Variants in LRFN2 observed in about 807,000 individuals in gnomAD.
LRFN2 encodes leucine-rich repeat and fibronectin type-III domain-containing protein 2.
In LRFN2, 18 loss-of-function variants were observed where a neutral mutation model predicts 37.3. That is an observed-to-expected ratio of 0.48 (90% confidence interval 0.33 to 0.72). The LOEUF is 0.72. Ranked by LOEUF, LRFN2 falls within the 30% of genes least tolerant of loss-of-function variation. LRFN2 has a pLI of 0.02. For missense variants in LRFN2, 1,006 were observed against 1,060.7 expected, an observed-to-expected ratio of 0.95 and a Z score of 0.72; for synonymous variants, 556 against 466.6, an observed-to-expected ratio of 1.19 and a Z score of -2.47.
intron 1 of LRFN2, among the ~76,000 whole-genome samples, chr6:40,504,904 T>G (rs776257648): frequency 2.6e-5 from 4 of 152,234 alleles, no homozygotes; most frequent in Non-Finnish European, 4.4e-5. Context: ...TCACTCTACC[T>G]GAGACTAAAG....
At position 40,516,998 on chromosome 6, in the gene LRFN2, T is replaced by A. The variant is rs1266568873; in HGVS notation, c.-19+69943A>T. Among the ~76,000 whole-genome samples the A allele has an allele frequency of 3.3e-5, 5 of 152,160 alleles. No homozygotes were observed. The East Asian group carries it at 7.7e-4, about 23-fold the overall frequency. ...TAGGTGCTTGGGATATACTGCTGAA[T>A]GAAGCAGAAACAGTCCCTGCCTGCA... On this transcript the variant is annotated intron_variant, in intron 1 of 2. Coordinates refer to ENST00000338305, the MANE Select transcript of LRFN2 (RefSeq NM_020737.3).
chr6:40,476,507 A>T (rs1015935412), intron 1 of LRFN2, among the ~76,000 whole-genome samples: 1 of 152,228 alleles, frequency 6.6e-6, no homozygotes, highest in Admixed American at 6.5e-5. Context: ...GTACACGGGG[A>T]ACCCCATAGG....
intron 1 of LRFN2, among the ~76,000 whole-genome samples, chr6:40,556,550 G>A (rs780308412): frequency 6.6e-6 from 1 of 152,058 alleles, no homozygotes; most frequent in Non-Finnish European, 1.5e-5. Context: ...AGTCATTCTG[G>A]GGATGCTACA....
intron 1 of LRFN2, among the ~76,000 whole-genome samples, chr6:40,579,957 G>A (rs1026902485): frequency 6.6e-6 from 1 of 152,202 alleles, no homozygotes; most frequent in African/African-American, 2.4e-5. Context: ...CATCTTAAAG[G>A]AACAGGGCCT....
intron 1 of LRFN2, among the ~76,000 whole-genome samples, chr6:40,475,237 G>A (rs537503539): frequency 5.9e-5 from 9 of 152,298 alleles, no homozygotes; most frequent in South Asian, 2.1e-4. Context: ...TTGATGCAGC[G>A]GTTCTGCTTG....
intron 1 of LRFN2, among the ~76,000 whole-genome samples, chr6:40,511,200 T>C (rs916768702): frequency 1.3e-5 from 2 of 152,186 alleles, no homozygotes; most frequent in Non-Finnish European, 2.9e-5. Context: ...ATGGGTCACC[T>C]ACTGAGGAAC....
intron 1 of LRFN2, among the ~76,000 whole-genome samples, chr6:40,580,513 G>A (rs890680483): frequency 3.3e-5 from 5 of 152,212 alleles, no homozygotes; most frequent in African/African-American, 1.2e-4. Context: ...AGTGATAGGT[G>A]AATCTCTGGA....
intron 1 of LRFN2, among the ~76,000 whole-genome samples, chr6:40,527,963 A>G (rs1263488822): frequency 1.3e-5 from 2 of 152,214 alleles, no homozygotes; most frequent in African/African-American, 4.8e-5. Context: ...ACACAAACTC[A>G]TGTAATCCTA....
chr6:40,425,080 C>G (rs1251557552), intron 2 of LRFN2, among the ~76,000 whole-genome samples: 2 of 152,210 alleles, frequency 1.3e-5, no homozygotes, highest in Non-Finnish European at 2.9e-5. Context: ...ATGCAGCCCC[C>G]TGCCCCAGCC....
chr6:40,398,906 A>G (rs1477863959), intron 2 of LRFN2, among the ~76,000 whole-genome samples: 1 of 151,896 alleles, frequency 6.6e-6, no homozygotes, highest in Non-Finnish European at 1.5e-5. Context: ...TCACAGGCAC[A>G]TACTGTTATT....
intron 1 of LRFN2, among the ~76,000 whole-genome samples, chr6:40,541,828 C>G (rs1368596260): frequency 2.0e-5 from 3 of 152,218 alleles, no homozygotes; most frequent in Non-Finnish European, 4.4e-5. Context: ...TCTTCCAGCA[C>G]CCCCTCCCCA....
intron 1 of LRFN2, among the ~76,000 whole-genome samples, chr6:40,495,772 T>C (rs1216841945): frequency 6.6e-6 from 1 of 152,208 alleles, no homozygotes; most frequent in Admixed American, 6.5e-5. Flanking sequence ...GGCTTGATCC[T>C]TAACCCTCTT....
At chr6:40,472,204 C>T (rs919177888) in intron 1 of LRFN2, among the ~76,000 whole-genome samples, 22 of 152,212 alleles carry the variant, frequency 1.4e-4, no homozygotes, top group Admixed American at 6.5e-5. Context: ...ACCTTCCCTC[C>T]AGCCCCTTCA....
chr6:40,435,114 T>C (rs1763630175), intron 1 of LRFN2, among the ~76,000 whole-genome samples: 1 of 135,230 alleles, frequency 7.4e-6, no homozygotes, highest in Non-Finnish European at 1.6e-5. Flanking sequence ...ATATATTATA[T>C]ATTTTATATA....
intron 1 of LRFN2, among the ~76,000 whole-genome samples, chr6:40,540,967 G>A (rs1463405390): frequency 1.3e-5 from 2 of 152,200 alleles, no homozygotes; most frequent in African/African-American, 2.4e-5. Flanking sequence ...ATGTGCCCCC[G>A]GCAAAGAAGG....
At chr6:40,470,608 CA>C (rs35631332) in intron 1 of LRFN2, among the ~76,000 whole-genome samples, 12,947 of 133,064 alleles carry the variant, frequency 0.097, 1,649 homozygotes, top group African/African-American at 0.3. Context: ...GACTCTGTCT[CA>C]AAAAAAAAAA....
intron 1 of LRFN2, among the ~76,000 whole-genome samples, chr6:40,522,228 T>G (rs2113901331): frequency 6.6e-6 from 1 of 152,272 alleles, no homozygotes; most frequent in African/African-American, 2.4e-5. Context: ...GCCTACTGAC[T>G]GCCATTCTGG....
intron 2 of LRFN2, among the ~76,000 whole-genome samples, chr6:40,428,585 G>T (rs1763407814): frequency 1.3e-5 from 2 of 152,214 alleles, no homozygotes; most frequent in Admixed American, 1.3e-4. Flanking sequence ...GACCACAGGG[G>T]TTGAGTCTGG....
rs1005394003 is a variant in LRFN2 at position 40,439,039 on chromosome 6, C to G, written c.-18-5908G>C. Among the ~76,000 whole-genome samples the G allele has an allele frequency of 2.0e-5, 3 of 152,148 alleles. No individual in the cohort carries two copies. The South Asian group carries it at 6.2e-4, about 32-fold the overall frequency. On this transcript the variant is annotated intron_variant, in intron 1 of 2. Transcript: ENST00000338305. ...TTGGCTTGACCACAGGCTTTCCCCC[C>G]AGCCAGGGGCTTCCTCCCCTCACTC...
Sources: allele counts gnomAD v4.1 joint callset (sites outside exome capture counted in the v4.1 genomes callset), GRCh38; gene constraint gnomAD v4.1.1; transcripts MANE v1.5; gene names NCBI Gene and HGNC (gene_info 2026-07-23, HGNC 2026-07-21).